The following GPHN variants were observed in gnomAD, a reference collection of about 807,000 sequenced individuals.
GPHN encodes gephyrin.
Under a neutral mutation model 95.5 loss-of-function variants are expected in GPHN, and 17 were observed. That is an observed-to-expected ratio of 0.18 (90% CI 0.12 to 0.27). The LOEUF (loss-of-function observed/expected upper bound fraction) is 0.27, where lower values mean the gene tolerates loss of function less well. GPHN is among the 10% of genes least tolerant of loss of function. The pLI, the probability that GPHN is intolerant of heterozygous loss-of-function variation, is 1.00. For missense variants in GPHN, 660 were observed against 978.1 expected (o/e 0.67, Z 4.34); for synonymous variants, 320 against 322.5 (o/e 0.99, Z 0.08).
the GPHN span, among the ~76,000 whole-genome samples, chr14:67,455,808 C>T: frequency 7.2e-5 from 11 of 152,070 alleles, no homozygotes; most frequent in Non-Finnish European, 1.5e-4. Flanking sequence ...GTGCAATTTC[C>T]AGCACTAGGA....
chr14:67,414,777 A>G, the GPHN span, among the ~76,000 whole-genome samples: 2 of 152,278 alleles, frequency 1.3e-5, no homozygotes, highest in African/African-American at 2.4e-5. Flanking sequence ...CTTATTCACA[A>G]TAAATGCCTG....
At position 66,957,589 on chromosome 14, in the gene GPHN, C is replaced by T. The variant is rs192855793; in HGVS notation, c.829-7602C>T. 6.6e-5 allele frequency among the ~76,000 whole-genome samples: 10 copies of T among 152,148 alleles called. No individual in the cohort carries two copies. In the East Asian group the frequency reaches 1.9e-3, roughly 29 times the overall value. On this transcript the variant is annotated intron_variant, in intron 8 of 22. Transcript: ENST00000478722. ...TTCAATCTTTTTAAATTTTGTGAGA[C>T]CTATTTTGTGGCCTAATATATATGG...
chr14:66,606,211 G>A (rs2062527297), intron 1 of GPHN, among the ~76,000 whole-genome samples: 1 of 152,110 alleles, frequency 6.6e-6, no homozygotes, highest in African/African-American at 2.4e-5. Context: ...TCTGCATGTG[G>A]CTAGACAGTT....
chr14:67,357,377 T>C, the GPHN span, among the ~76,000 whole-genome samples: 1 of 152,216 alleles, frequency 6.6e-6, no homozygotes, highest in Non-Finnish European at 1.5e-5. Flanking sequence ...ATCAAAGACA[T>C]CTGACTACAT....
At chr14:67,323,232 C>CGTGTGTGTGT in the GPHN span, among the ~76,000 whole-genome samples, 298 of 143,592 alleles carry the variant, frequency 2.1e-3, 1 homozygote, top group African/African-American at 6.1e-3. Flanking sequence ...CATATATACA[C>CGTGTGTGTGT]GTGTGTGTGT....
intron 11 of GPHN, among the ~76,000 whole-genome samples, chr14:67,078,905 A>C (rs2076591327): frequency 2.6e-5 from 4 of 152,116 alleles, no homozygotes; most frequent in African/African-American, 9.6e-5. Context: ...ACTTGAGGTC[A>C]TGCATGCTTT....
intron 13 of GPHN, among the ~76,000 whole-genome samples, chr14:67,103,186 C>T (rs1377149771): frequency 6.6e-6 from 1 of 152,124 alleles, no homozygotes; most frequent in Non-Finnish European, 1.5e-5. Context: ...GCTCCAACCA[C>T]GCTGGGTTCT....
chr14:67,124,854 T>G (rs761236830), intron 17 of GPHN, among the ~76,000 whole-genome samples: 10 of 152,118 alleles, frequency 6.6e-5, no homozygotes, highest in Non-Finnish European at 1.2e-4. Flanking sequence ...CTGTATATAC[T>G]GCCATTATCT....
At chr14:67,018,289 A>C (rs2073419883) in intron 9 of GPHN, among the ~76,000 whole-genome samples, 1 of 152,180 alleles carries the variant, frequency 6.6e-6, no homozygotes, top group Non-Finnish European at 1.5e-5. Flanking sequence ...GTTTTATGGT[A>C]GATAAATTAT....
chr14:67,291,071 G>C, the GPHN span, among the ~76,000 whole-genome samples: 2 of 152,084 alleles, frequency 1.3e-5, no homozygotes, highest in Admixed American at 1.3e-4. Flanking sequence ...GGAAAAGCAG[G>C]GGGGTCGGAG....
the GPHN span, chr14:67,340,014 G>C: frequency 7.1e-6 from 1 of 140,950 alleles, no homozygotes; most frequent in Admixed American, 7.7e-5. Context: ...CTGGGTGACA[G>C]AGCAAGACTC....
chr14:66,952,354 G>C (rs1290429748), intron 8 of GPHN, among the ~76,000 whole-genome samples: 1 of 149,418 alleles, frequency 6.7e-6, no homozygotes, highest in Non-Finnish European at 1.5e-5. Flanking sequence ...CCATGTTGTA[G>C]CATGTATCAG....
the GPHN span, among the ~76,000 whole-genome samples, chr14:67,635,227 GAGT>G: frequency 6.6e-6 from 1 of 152,290 alleles, no homozygotes; most frequent in South Asian, 2.1e-4. Flanking sequence ...CTGAGTGACA[GAGT>G]AAGACCATCT....
the GPHN span, among the ~76,000 whole-genome samples, chr14:67,402,151 T>A: frequency 0.068 from 10,414 of 152,076 alleles, 807 homozygotes; most frequent in African/African-American, 0.18. Flanking sequence ...AACAACAACA[T>A]CAACAAAAAT....
At chr14:67,120,760 A>G (rs1236513237) in intron 16 of GPHN, among the ~76,000 whole-genome samples, 1 of 152,364 alleles carries the variant, frequency 6.6e-6, no homozygotes, top group South Asian at 2.1e-4. Context: ...AAATTAATCT[A>G]TGTTAGCATT....
the GPHN span, chr14:67,441,951 C>T: frequency 6.5e-6 from 1 of 154,016 alleles, no homozygotes; most frequent in Admixed American, 6.5e-5. Flanking sequence ...TATCTCCTTC[C>T]TATTGGTTCT....
chr14:67,285,666 C>G, the GPHN span, among the ~76,000 whole-genome samples: 2 of 152,116 alleles, frequency 1.3e-5, no homozygotes, highest in Non-Finnish European at 2.9e-5. Context: ...CTGCGCCTGA[C>G]CCCCTTAGGT....
chr14:66,987,562 C>A (rs554814317), intron 9 of GPHN, among the ~76,000 whole-genome samples: 1 of 151,986 alleles, frequency 6.6e-6, no homozygotes, highest in South Asian at 2.1e-4. Flanking sequence ...TGGATGCAGT[C>A]TTGAATCAAA....
At chr14:66,994,137 G>A (rs563054337) in intron 9 of GPHN, among the ~76,000 whole-genome samples, 74 of 152,146 alleles carry the variant, frequency 4.9e-4, no homozygotes, top group South Asian at 2.7e-3. Context: ...AGGCCGAGGC[G>A]AGTGGGTCAC....
Sources: gnomAD v4.1 joint callset for allele counts (sites outside exome capture counted in the v4.1 genomes callset) on GRCh38, gnomAD v4.1.1 for gene constraint, MANE v1.5 for transcripts, NCBI Gene and HGNC (gene_info 2026-07-23, HGNC 2026-07-21) for gene names.